SLC45A2: variants seen among roughly 807,000 people sequenced by gnomAD.
SLC45A2 encodes the protein membrane-associated transporter protein.
In SLC45A2, 36 loss-of-function variants were observed where a neutral mutation model predicts 45.5. The observed-to-expected ratio is 0.79, with a 90% confidence interval of 0.61 to 1.04. The LOEUF (loss-of-function observed/expected upper bound fraction) is 1.04, where lower values mean the gene tolerates loss of function less well. Among genes scored for constraint, SLC45A2 ranks in the 50% least tolerant of loss-of-function variants. The pLI, the probability that SLC45A2 is intolerant of heterozygous loss-of-function variation, is 0.00. For synonymous variants in SLC45A2, 306 were observed against 269.3 expected (o/e 1.14, Z -1.33); for missense variants, 719 against 671.0 (o/e 1.07, Z -0.79).
At position 33,982,246 on chromosome 5, in the gene SLC45A2, G is replaced by A. The variant is rs749835522; in HGVS notation, c.552C>T (p.Ala184=). 6.2e-7 allele frequency: 1 copy of A among 1,614,002 alleles called. No homozygotes were observed. The highest frequency in any genetic ancestry group is 1.1e-5 in the South Asian group (1 of 91,068). Residue 184 remains alanine (A), a synonymous_variant, in exon 2 of 7, where the codon GCC becomes GCT. Coordinates refer to ENST00000296589, the MANE Select transcript of SLC45A2 (RefSeq NM_016180.5). ...TGGAATATTCCCTACCTGTGAAGAG[G>A]GCATGGTAGTGGAGGCCCTTCTCCT... ...QDKEKGLHYH[A]LFTGFGGALG...
chr5:33,946,465 C>T (rs773879053), intron 6 of SLC45A2: 15 of 985,550 alleles, frequency 1.5e-5, no homozygotes, highest in Non-Finnish European at 1.7e-5. Flanking sequence ...CCTATTTTCA[C>T]AGGAAGAAAG....
intron 5 of SLC45A2, among the ~76,000 whole-genome samples, chr5:33,948,178 C>G (rs1005903810): frequency 6.6e-5 from 10 of 152,216 alleles, no homozygotes; most frequent in African/African-American, 2.4e-4. Flanking sequence ...AATTAAGCAA[C>G]AAGACAGGCT....
At chr5:33,976,474 AG>A (rs1434778552) in intron 2 of SLC45A2, among the ~76,000 whole-genome samples, 1 of 152,240 alleles carries the variant, frequency 6.6e-6, no homozygotes, top group African/African-American at 2.4e-5. Context: ...GTAGCCCTTT[AG>A]GGCTGGACTG....
At chr5:33,976,637 G>A (rs1171501124) in intron 2 of SLC45A2, among the ~76,000 whole-genome samples, 1 of 152,166 alleles carries the variant, frequency 6.6e-6, no homozygotes, top group Non-Finnish European at 1.5e-5. Flanking sequence ...GCAGGACAGG[G>A]GTGGAGGGAT....
At chr5:33,946,176 G>A in intron 6 of SLC45A2, 1 of 985,428 alleles carries the variant, frequency 1.0e-6, no homozygotes, top group Non-Finnish European at 1.2e-6. Flanking sequence ...CACTCTCCTT[G>A]TAGGGACAGT....
chr5:33,951,632 A>C lies in SLC45A2; in HGVS notation c.1078T>G (p.Phe360Val). 1 of 1,614,166 alleles carries C rather than the reference A, an allele frequency of 6.2e-7. No individual in the cohort carries two copies. Among genetic ancestry groups the C allele is most frequent in the Non-Finnish European group, 8.5e-7 (1 of 1,180,020 alleles). The change falls in exon 5 of 7, where the codon TTT becomes GTT. Residue 360 changes from phenylalanine (F) to valine (V), a missense_variant. Coordinates refer to ENST00000296589, the MANE Select transcript of SLC45A2 (RefSeq NM_016180.5). ...DPYSAHNSTEFLIYERGVEVG... is the reference protein window; with the variant it reads ...DPYSAHNSTEVLIYERGVEVG... ...TCGACTCCTCTTTCGTAGATGAGAA[A>C]CTCTGTGGAGTTGTGTGCACTATAG...
chr5:33,956,645 G>T (rs963877553), intron 3 of SLC45A2, among the ~76,000 whole-genome samples: 1 of 152,098 alleles, frequency 6.6e-6, no homozygotes, highest in African/African-American at 2.4e-5. Context: ...ATCAAACAAG[G>T]GCAATGTTGT....
chr5:33,967,699 A>T (rs1337691183), intron 2 of SLC45A2, among the ~76,000 whole-genome samples: 1 of 152,096 alleles, frequency 6.6e-6, no homozygotes, highest in Non-Finnish European at 1.5e-5. Context: ...CAAAAGTATT[A>T]CAGAGGGGTT....
intron 3 of SLC45A2, among the ~76,000 whole-genome samples, chr5:33,957,245 G>C (rs974182827): frequency 5.9e-5 from 9 of 152,096 alleles, no homozygotes; most frequent in Admixed American, 5.2e-4. Context: ...TTGGTAATTG[G>C]TCTTTCTTGT....
At chr5:33,974,606 T>C (rs1752871968) in intron 2 of SLC45A2, among the ~76,000 whole-genome samples, 2 of 152,220 alleles carry the variant, frequency 1.3e-5, no homozygotes, top group Admixed American at 1.3e-4. Flanking sequence ...GTTATCTCTT[T>C]GTCAAGGGCA....
chr5:33,983,639 A>G (rs1190705470), intron 1 of SLC45A2, among the ~76,000 whole-genome samples: 1 of 152,250 alleles, frequency 6.6e-6, no homozygotes, highest in Non-Finnish European at 1.5e-5. Context: ...ATTAATTGGT[A>G]GCTGATTAAT....
chr5:33,946,976 A>AGCTGG (rs930525640), intron 6 of SLC45A2, 187 bp downstream of exon 6: 36 of 1,536,222 alleles, frequency 2.3e-5, no homozygotes, highest in South Asian at 7.6e-5. Flanking sequence ...AGGACAGGAC[A>AGCTGG]GCTGGGCTGG....
chr5:33,953,083 C>T (rs1160462426), intron 4 of SLC45A2, among the ~76,000 whole-genome samples: 2 of 134,408 alleles, frequency 1.5e-5, no homozygotes, highest in East Asian at 4.2e-4. Flanking sequence ...TTTCTTAATC[C>T]AGTCTATCAT....
In SLC45A2 at chr5:33,984,447, T is replaced by C. The variant is rs1253702631; in HGVS notation, c.137A>G (p.Glu46Gly). 2 of 1,613,802 alleles carry C rather than the reference T, an allele frequency of 1.2e-6. No homozygotes were observed. Among genetic ancestry groups the C allele is most frequent in the East Asian group, 4.5e-5 (2 of 44,878 alleles). Residue 46 changes from glutamate (E) to glycine (G), a missense_variant, in exon 1 of 7, where the codon GAG (glutamate) becomes GGG (glycine). Physicochemically the swap from Glu to Gly is moderately conservative, Grantham distance 98. Coordinates refer to ENST00000296589, the MANE Select transcript of SLC45A2 (RefSeq NM_016180.5). ...CGCTGCCTCCACCGCGTAGCAGAACTCTCTTCCGAACATGGCCATGCTGTG... is the reference window on the plus strand; with the variant it reads ...CGCTGCCTCCACCGCGTAGCAGAACCCTCTTCCGAACATGGCCATGCTGTG... ...IMHSMAMFGREFCYAVEAAYV... is the reference protein window; with the variant it reads ...IMHSMAMFGRGFCYAVEAAYV...
chr5:33,954,653 G>A, intron 3 of SLC45A2, 149 bp from the exon 4 acceptor site: 1 of 1,139,888 alleles, frequency 8.8e-7, no homozygotes, highest in African/African-American at 1.5e-5. Flanking sequence ...GGTTTCCATG[G>A]AGTAGACTCA....
chr5:33,958,814 A>G (rs2111943443), intron 3 of SLC45A2, among the ~76,000 whole-genome samples: 1 of 152,280 alleles, frequency 6.6e-6, no homozygotes. Context: ...GACTTTCAAA[A>G]GGCTTCCACT....
chr5:33,978,424 G>C (rs1365121591), intron 2 of SLC45A2, among the ~76,000 whole-genome samples: 2 of 150,902 alleles, frequency 1.3e-5, no homozygotes, highest in Non-Finnish European at 3.0e-5. Flanking sequence ...TCCCTTACCA[G>C]TTTTTTTTTA....
intron 2 of SLC45A2, among the ~76,000 whole-genome samples, chr5:33,966,501 C>G (rs1378628534): frequency 7.3e-6 from 1 of 137,296 alleles, no homozygotes; most frequent in Admixed American, 8.0e-5. Flanking sequence ...ACTGCAGTGG[C>G]GCAATCTCGG....
chr5:33,976,189 T>C (rs1286171245), intron 2 of SLC45A2, among the ~76,000 whole-genome samples: 1 of 152,154 alleles, frequency 6.6e-6, no homozygotes, highest in Non-Finnish European at 1.5e-5. Context: ...CAAGTGCTGA[T>C]AGGGAAGGGG....
Sources: allele counts gnomAD v4.1 joint callset (sites outside exome capture counted in the v4.1 genomes callset), GRCh38; gene constraint gnomAD v4.1.1; transcripts MANE v1.5; gene names NCBI Gene and HGNC (gene_info 2026-07-23, HGNC 2026-07-21).